The following GRIPAP1 variants were observed in gnomAD, a reference collection of about 807,000 sequenced individuals.
The protein encoded by GRIPAP1 is GRIP1-associated protein 1.
A neutral mutation model predicts 84.1 loss-of-function variants in GRIPAP1; 14 were observed. That is an observed-to-expected ratio of 0.17 (90% confidence interval 0.11 to 0.26). The LOEUF is 0.26. Among genes scored for constraint, GRIPAP1 ranks in the 10% least tolerant of loss-of-function variants. The probability of loss-of-function intolerance (pLI) is 1.00; values close to 1 mark genes in which losing one functional copy is unlikely to be tolerated. For missense variants in GRIPAP1, 518 were observed against 674.2 expected (o/e 0.77, Z 2.57); for synonymous variants, 261 against 256.8 (o/e 1.02, Z -0.15).
At chrX:48,975,081 T>A in intron 25 of GRIPAP1, 74 bp downstream of exon 25, 2 of 1,039,180 alleles carry the variant, frequency 1.9e-6, no homozygotes, top group Non-Finnish European at 1.3e-6. Flanking sequence ...GACTGGCAGA[T>A]GACCCAGGGG....
chrX:49,002,213 G>C lies in GRIPAP1; in HGVS notation c.17C>G (p.Ser6Cys). 2 of 1,172,372 alleles carry C rather than the reference G, an allele frequency of 1.7e-6. No individual in the cohort carries two copies. The highest frequency in any genetic ancestry group is 2.3e-6 in the Non-Finnish European group (2 of 864,641). Reference protein sequence around the residue: MAQALSEEEFQRMQAQ... With the variant: MAQALCEEEFQRMQAQ... ...CTGCATCCGCTGAAACTCCTCCTCA[G>C]ACAGAGCTTGCGCCATGTTCCTCCC... is the stretch of plus-strand genomic sequence containing the variant. Residue 6 changes from serine (S) to cysteine (C), a missense_variant, in exon 1 of 26, where the codon TCT becomes TGT. Around this residue, in one of 5 missense-constraint regions of GRIPAP1, gnomAD observed 372 missense variants for 458.1 expected, o/e 0.81. Transcript: ENST00000376423.
At chrX:48,975,845 G>A in intron 24 of GRIPAP1, 173 bp downstream of exon 24, 1 of 445,800 alleles carries the variant, frequency 2.2e-6, no homozygotes, top group East Asian at 3.8e-5. Flanking sequence ...AGAGAAGAGG[G>A]AGGAGGCGAG....
Position 48,981,226 on chromosome X carries a change from T to C in GRIPAP1, c.1919A>G (p.Lys640Arg). The change falls in exon 21 of 26, where the codon AAG becomes AGG. Residue 640 changes from lysine to arginine, a missense_variant. Lys to Arg is a conservative substitution (Grantham distance 26, BLOSUM62 2). Coordinates refer to ENST00000376423, the MANE Select transcript of GRIPAP1 (RefSeq NM_020137.5). Reference protein sequence around the residue: ...ERLQDILTNSKSRSGLEELVL... With the variant: ...ERLQDILTNSRSRSGLEELVL... ...TCCTAGTCCCTCACCTGAGCGGCTCTTGCTGTTAGTGAGGATGTCCTGCAG... is the reference window on the plus strand; with the variant it reads ...TCCTAGTCCCTCACCTGAGCGGCTCCTGCTGTTAGTGAGGATGTCCTGCAG... The C allele has an allele frequency of 3.3e-6, 4 of 1,207,246 alleles. No individual in the cohort carries two copies. Among genetic ancestry groups the C allele is most frequent in the Non-Finnish European group, 4.5e-6 (4 of 892,097 alleles).
chrX:48,991,221 G>C, intron 6 of GRIPAP1, 111 bp from the exon 7 acceptor site: 1 of 537,460 alleles, frequency 1.9e-6, no homozygotes, highest in Non-Finnish European at 3.3e-6. Flanking sequence ...CAGAGTCCCT[G>C]TGCCAAATGA....
chrX:48,990,707 C>T lies in GRIPAP1; in HGVS notation c.668G>A (p.Arg223Lys). Residue 223 changes from arginine to lysine, a missense_variant, in exon 8 of 26, where the codon AGG becomes AAG. By Grantham distance (26) the Arg-to-Lys change is conservative. This residue lies in a region of GRIPAP1 where 372 missense variants were observed against 458.1 expected (regional missense o/e 0.81). Coordinates refer to ENST00000376423, the MANE Select transcript of GRIPAP1 (RefSeq NM_020137.5). ...CACCTTAGCAAGTTCCTCCTGCAGCCTGGATGTTTCGGCCTGCTTTGAGCT... is the reference window on the plus strand; with the variant it reads ...CACCTTAGCAAGTTCCTCCTGCAGCTTGGATGTTTCGGCCTGCTTTGAGCT... Reference protein sequence around the residue: ...LESSKQAETSRLQEELAKLSE... With the variant: ...LESSKQAETSKLQEELAKLSE... 1 of 1,203,214 alleles carries T rather than the reference C, an allele frequency of 8.3e-7. No homozygotes were observed. Among genetic ancestry groups the T allele is most frequent in the Non-Finnish European group, 1.1e-6 (1 of 890,456 alleles).
chrX:48,994,168 A>C (rs2064534245), intron 5 of GRIPAP1, among the ~76,000 whole-genome samples: 1 of 110,475 alleles, frequency 9.1e-6, no homozygotes, highest in Non-Finnish European at 1.9e-5. Flanking sequence ...TCAGATGAGA[A>C]TATCGAGGCC....
intron 15 of GRIPAP1, 79 bp from the exon 16 acceptor site, chrX:48,983,519 G>T: frequency 1.2e-6 from 1 of 857,820 alleles, no homozygotes; most frequent in Non-Finnish European, 1.7e-6. Context: ...CATGCCCAAG[G>T]AACTAGCCAA....
intron 1 of GRIPAP1, among the ~76,000 whole-genome samples, chrX:49,000,192 C>T (rs1406074496): frequency 9.3e-6 from 1 of 107,602 alleles, no homozygotes; most frequent in East Asian, 2.9e-4. Context: ...GGTGAAACCC[C>T]GTCTCCACTA....
chrX:48,987,652 C>T, intron 13 of GRIPAP1, 133 bp downstream of exon 13: 1 of 449,754 alleles, frequency 2.2e-6, no homozygotes, highest in East Asian at 3.9e-5. Flanking sequence ...TGGACGCCAA[C>T]AGAAAGGAGC....
chrX:49,001,600 C>T (rs782471808), intron 1 of GRIPAP1, among the ~76,000 whole-genome samples: 2 of 110,291 alleles, frequency 1.8e-5, no homozygotes, highest in South Asian at 7.9e-4. Context: ...ATGGGATCAC[C>T]CTTAATCATC....
intron 22 of GRIPAP1, among the ~76,000 whole-genome samples, chrX:48,976,567 C>T (rs1557060571): frequency 9.0e-6 from 1 of 111,451 alleles, no homozygotes; most frequent in African/African-American, 3.3e-5. Context: ...CACATCAGAG[C>T]CTTGTGGAGA....
chrX:48,987,832 A>G lies in GRIPAP1; in HGVS notation c.994T>C (p.Leu332=), dbSNP rs1557064337. The G allele has an allele frequency of 3.3e-6, 4 of 1,207,004 alleles. No individual in the cohort carries two copies. The highest frequency in any genetic ancestry group is 4.5e-6 in the Non-Finnish European group (4 of 892,513). ...GTCCTCAAGGCATTGTTCTCAGCCA[A>G]AAGCCCTTCCACTTGTTCCTGTGCA... ...ADAQEQVEGL[L]AENNALRTSL... Residue 332 remains leucine (L), a synonymous_variant, in exon 13 of 26, where the codon TTG becomes CTG. Transcript: ENST00000376423.
chrX:48,997,789 G>A (rs1292779783), intron 4 of GRIPAP1, among the ~76,000 whole-genome samples: 2 of 107,878 alleles, frequency 1.9e-5, no homozygotes, highest in Non-Finnish European at 3.9e-5. Context: ...GAGAGGAATG[G>A]GGTGGAAGAA....
Position 48,993,495 on chromosome X carries a change from C to T in GRIPAP1, c.390G>A (p.Gly130=). 1 of 1,190,774 alleles carries T rather than the reference C, an allele frequency of 8.4e-7. No homozygotes were observed. The highest frequency in any genetic ancestry group is 1.1e-6 in the Non-Finnish European group (1 of 884,644). Residue 130 remains glycine (G), a synonymous_variant, in exon 6 of 26, where the codon GGG becomes GGA. Coordinates refer to ENST00000376423, the MANE Select transcript of GRIPAP1 (RefSeq NM_020137.5). Reference sequence around the variant, plus strand: ...TCAGCAGCTCCCCATCCACGAGGGGCCCAGCTTGGGCAACCCCTGCTCCTG... The same window carrying T: ...TCAGCAGCTCCCCATCCACGAGGGGTCCAGCTTGGGCAACCCCTGCTCCTG... ...GAAGAGVAQA[G]PLVDGELLRL... is the part of the protein sequence containing the mutation.
chrX:48,993,406 C>A (rs376784305), intron 6 of GRIPAP1, 22 bp downstream of exon 6: 77 of 1,108,356 alleles, frequency 6.9e-5, no homozygotes, highest in Non-Finnish European at 8.7e-5. Flanking sequence ...GTCTCCGCAT[C>A]CCCAGGAGGG....
chrX:48,980,147 A>G (rs1258977111), intron 21 of GRIPAP1, among the ~76,000 whole-genome samples: 1 of 109,896 alleles, frequency 9.1e-6, no homozygotes, highest in Non-Finnish European at 1.9e-5. Flanking sequence ...GAGATGCACC[A>G]GAGCCATCAC....
rs945896233 is a variant in GRIPAP1 at position 48,990,965 on chromosome X, C to T, written c.603G>A (p.Glu201=). 13 of 1,175,986 alleles carry T rather than the reference C, an allele frequency of 1.1e-5. No homozygotes were observed. Among genetic ancestry groups the T allele is most frequent in the Middle Eastern group, 2.4e-4 (1 of 4,182 alleles). ...GCTGTTCCCAGAGCAATCTCTTCTCCTCTTTCTCCATTTCCCATTTCAGCT... is the reference window on the plus strand; with the variant it reads ...GCTGTTCCCAGAGCAATCTCTTCTCTTCTTTCTCCATTTCCCATTTCAGCT... The part of the protein sequence containing the change: ...EVELKWEMEK[E]EKRLLWEQLQ... The change falls in exon 7 of 26, where the codon GAG becomes GAA. Residue 201 remains glutamate, a synonymous_variant. Transcript: ENST00000376423.
At chrX:48,994,219 CTTTTTTTTTTTTT>C (rs200273142) in intron 5 of GRIPAP1, among the ~76,000 whole-genome samples, 1 of 95,178 alleles carries the variant, frequency 1.1e-5, no homozygotes. Flanking sequence ...TATTTTCTTT[CTTTTTTTTTTTTT>C]TTTTTTTTTG....
intron 16 of GRIPAP1, 47 bp from the exon 17 acceptor site, chrX:48,983,139 C>T: frequency 9.0e-7 from 1 of 1,108,729 alleles, no homozygotes; most frequent in African/African-American, 1.8e-5. Flanking sequence ...GAGGAGCGGG[C>T]ACCTGATGCA....
Sources: allele counts gnomAD v4.1 joint callset (sites outside exome capture counted in the v4.1 genomes callset), GRCh38; gene constraint gnomAD v4.1.1; regional missense constraint gnomAD v4.1.1; transcripts MANE v1.5; gene names NCBI Gene and HGNC (gene_info 2026-07-23, HGNC 2026-07-21).